Variants in EPB41L2 observed in about 807,000 individuals in gnomAD.
EPB41L2 encodes band 4.1-like protein 2.
EPB41L2 carries 43 observed loss-of-function variants against 113.0 expected under a neutral mutation model. The observed-to-expected ratio is 0.38, with a 90% CI of 0.30 to 0.49. The LOEUF (loss-of-function observed/expected upper bound fraction) is 0.49. Ranked by LOEUF, EPB41L2 falls within the 20% of genes least tolerant of loss-of-function variation. EPB41L2 has a pLI of 0.95. For missense variants in EPB41L2, 1,147 were observed against 1,223.4 expected (o/e 0.94, Z 0.93); for synonymous variants, 442 against 436.7 (o/e 1.01, Z -0.15).
chr6:130,950,336 T>C (rs1814457752), intron 3 of EPB41L2, among the ~76,000 whole-genome samples: 1 of 152,090 alleles, frequency 6.6e-6, no homozygotes, highest in African/African-American at 2.4e-5. Context: ...ATAGTAAGAA[T>C]AATTTTAAAA....
chr6:130,989,630 C>T (rs926099942), intron 1 of EPB41L2, among the ~76,000 whole-genome samples: 11 of 152,284 alleles, frequency 7.2e-5, no homozygotes, highest in Admixed American at 3.3e-4. Context: ...GCTGTTATAA[C>T]GAAACCTTCT....
intron 1 of EPB41L2, among the ~76,000 whole-genome samples, chr6:130,978,039 T>C (rs1811949): frequency 0.5 from 76,375 of 152,056 alleles, 21,926 homozygotes; most frequent in East Asian, 0.94. Flanking sequence ...TCTTTCTCAA[T>C]TTGTAGAAGG....
intron 14 of EPB41L2, among the ~76,000 whole-genome samples, chr6:130,872,153 C>T (rs1164364366): frequency 1.3e-5 from 2 of 151,642 alleles, no homozygotes; most frequent in Non-Finnish European, 2.9e-5. Context: ...TGAATTTAGG[C>T]AGATTTTTTT....
At chr6:131,011,157 G>T (rs1301669761) in intron 1 of EPB41L2, among the ~76,000 whole-genome samples, 1 of 152,206 alleles carries the variant, frequency 6.6e-6, no homozygotes, top group African/African-American at 2.4e-5. Context: ...GGGACACAGG[G>T]AGTAAGTGCA....
chr6:130,943,105 T>C (rs933787133), intron 3 of EPB41L2, among the ~76,000 whole-genome samples: 16 of 152,196 alleles, frequency 1.1e-4, no homozygotes, highest in African/African-American at 3.9e-4. Context: ...CCTTTGGGTA[T>C]ATACCCAGTA....
intron 4 of EPB41L2, among the ~76,000 whole-genome samples, chr6:130,917,003 G>A (rs1801315477): frequency 6.6e-6 from 1 of 152,142 alleles, no homozygotes; most frequent in Non-Finnish European, 1.5e-5. Flanking sequence ...GCCCTGGCAG[G>A]GCACAGTTTC....
At chr6:131,059,314 C>T (rs1798226280) in intron 1 of EPB41L2, among the ~76,000 whole-genome samples, 2 of 152,126 alleles carry the variant, frequency 1.3e-5, no homozygotes, top group African/African-American at 4.8e-5. Context: ...CGGGGTTTCA[C>T]CGTGTTAGCC....
rs990665054 is a variant in EPB41L2 at position 130,912,451 on chromosome 6, C to T, written c.811-3588G>A. ...TCGGGTTTCACTACTGTTCATGGCCCGCACTCGGGGTAGCAAGGATCCAAG... is the reference window on the plus strand; with the variant it reads ...TCGGGTTTCACTACTGTTCATGGCCTGCACTCGGGGTAGCAAGGATCCAAG... On this transcript the variant is annotated intron_variant, in intron 4 of 19. Coordinates refer to ENST00000337057, the MANE Select transcript of EPB41L2 (RefSeq NM_001431.4). 1.2e-4 allele frequency among the ~76,000 whole-genome samples: 18 copies of T among 152,268 alleles called. No homozygotes were observed. In the East Asian group the frequency reaches 1.7e-3, roughly 15 times the overall value.
intron 4 of EPB41L2, among the ~76,000 whole-genome samples, chr6:130,912,397 A>T (rs1460851938): frequency 6.6e-6 from 1 of 152,242 alleles, no homozygotes; most frequent in Non-Finnish European, 1.5e-5. Context: ...AAACAGTAAG[A>T]TGCTGTGAAA....
At chr6:130,947,023 C>CCA (rs796083835) in intron 3 of EPB41L2, among the ~76,000 whole-genome samples, 2 of 142,864 alleles carry the variant, frequency 1.4e-5, no homozygotes, top group Non-Finnish European at 3.0e-5. Context: ...GAAGACCCCC[C>CCA]CCCCAGCCCC....
At chr6:130,998,600 G>A (rs762748483) in intron 1 of EPB41L2, among the ~76,000 whole-genome samples, 3 of 152,094 alleles carry the variant, frequency 2.0e-5, no homozygotes, top group African/African-American at 4.8e-5. Context: ...AGGTGTATGT[G>A]CTTAGTTATC....
At chr6:130,919,088 G>A (rs1395837313) in intron 4 of EPB41L2, among the ~76,000 whole-genome samples, 3 of 152,116 alleles carry the variant, frequency 2.0e-5, no homozygotes, top group African/African-American at 4.8e-5. Flanking sequence ...TAAAGATATT[G>A]CTAATTGTAT....
intron 1 of EPB41L2, among the ~76,000 whole-genome samples, chr6:131,040,426 G>A (rs892474428): frequency 3.3e-5 from 5 of 152,100 alleles, no homozygotes; most frequent in African/African-American, 1.2e-4. Flanking sequence ...GCAACAGAAC[G>A]AGACTCTGTC....
At chr6:130,900,880 T>C (rs1796091240) in intron 7 of EPB41L2, 82 bp downstream of exon 7, 8 of 1,493,452 alleles carry the variant, frequency 5.4e-6, no homozygotes, top group Non-Finnish European at 2.8e-6. Flanking sequence ...CTGTAAATCA[T>C]GCTCAAATGT....
intron 1 of EPB41L2, among the ~76,000 whole-genome samples, chr6:131,056,650 A>T (rs963363064): frequency 5.3e-5 from 8 of 152,156 alleles, no homozygotes; most frequent in African/African-American, 1.7e-4. Flanking sequence ...TAACCTAACA[A>T]TTTTTACAGA....
At chr6:130,885,609 G>A (rs746817735) in intron 11 of EPB41L2, among the ~76,000 whole-genome samples, 1 of 152,094 alleles carries the variant, frequency 6.6e-6, no homozygotes, top group African/African-American at 2.4e-5. Context: ...AAGGTAAGCA[G>A]TATTTTAACT....
chr6:130,881,555 A>G (rs991310141), intron 12 of EPB41L2: 3 of 152,094 alleles, frequency 2.0e-5, no homozygotes, highest in African/African-American at 4.8e-5. Flanking sequence ...TACTGTATGT[A>G]TTGGTAGGAT....
intron 9 of EPB41L2, among the ~76,000 whole-genome samples, 157 bp downstream of exon 9, chr6:130,894,810 T>C (rs975197039): frequency 2.0e-5 from 3 of 152,198 alleles, no homozygotes; most frequent in South Asian, 4.1e-4. Context: ...CAGACGTATA[T>C]ATACTGCAAT....
chr6:130,959,178 T>C (rs1024461995), intron 1 of EPB41L2, among the ~76,000 whole-genome samples: 6 of 152,176 alleles, frequency 3.9e-5, no homozygotes, highest in African/African-American at 1.4e-4. Context: ...ACTAGGGTGA[T>C]GGTAGAACCA....
Sources: allele counts gnomAD v4.1 joint callset (sites outside exome capture counted in the v4.1 genomes callset), GRCh38; gene constraint gnomAD v4.1.1; transcripts MANE v1.5; gene names NCBI Gene and HGNC (gene_info 2026-07-23, HGNC 2026-07-21).